Variants in ARHGEF18 observed in about 807,000 individuals in gnomAD.
ARHGEF18 encodes the protein Rho/Rac guanine nucleotide exchange factor 18, also known as rho guanine nucleotide exchange factor 18.
A neutral mutation model predicts 155.7 loss-of-function variants in ARHGEF18; 93 were observed. The ratio of observed to expected loss-of-function variants is 0.60; its 90% CI spans 0.50 to 0.71. The LOEUF (loss-of-function observed/expected upper bound fraction) is 0.71, where lower values mean the gene tolerates loss of function less well. Ranked by LOEUF, ARHGEF18 falls within the 30% of genes least tolerant of loss-of-function variation. ARHGEF18 has a pLI of 0.00. For synonymous variants in ARHGEF18, 742 were observed against 753.1 expected (o/e 0.99, Z 0.24); for missense variants, 1,593 against 1,816.1 (o/e 0.88, Z 2.23).
intron 1 of ARHGEF18, among the ~76,000 whole-genome samples, chr19:7,354,266 A>C (rs1464815270): frequency 6.6e-6 from 1 of 152,058 alleles, no homozygotes; most frequent in Non-Finnish European, 1.5e-5. Context: ...GCAGTGAGCT[A>C]TAGATCATAC....
intron 6 of ARHGEF18, 37 bp from the exon 7 acceptor site, chr19:7,379,085 A>G: frequency 8.1e-7 from 1 of 1,231,670 alleles, no homozygotes; most frequent in Non-Finnish European, 1.0e-6. Flanking sequence ...ACCTGGAGCT[A>G]CCATGGGCTG....
Position 7,469,984 on chromosome 19 carries a change from C to T in ARHGEF18, c.3868C>T (p.Leu1290=). ...GAGCACCTCACGGAACCGCCGCTCG[C>T]TGAGCCCTATCCTGCCCGGCAGACA... is the stretch of plus-strand genomic sequence containing the variant. The part of the protein sequence containing the change: ...DESTSRNRRS[L]SPILPGRHSP... The change falls in exon 28 of 29, where the codon CTG becomes TTG. Residue 1290 remains leucine (L), a synonymous_variant. Transcript: ENST00000668164. 1 of 1,613,226 alleles carries T rather than the reference C, an allele frequency of 6.2e-7. No individual in the cohort carries two copies.
chr19:7,384,738 C>T (rs923486513), intron 10 of ARHGEF18, among the ~76,000 whole-genome samples: 4 of 150,112 alleles, frequency 2.7e-5, no homozygotes, highest in African/African-American at 9.8e-5. Flanking sequence ...GTTGCCCAGG[C>T]TGGAGTGCAA....
chr19:7,409,764 CTTTCTTTTTT>C (rs990858803), intron 10 of ARHGEF18, among the ~76,000 whole-genome samples: 9 of 66,492 alleles, frequency 1.4e-4, no homozygotes, highest in African/African-American at 4.4e-4. Context: ...TTCTTTCTTT[CTTTCTTTTTT>C]TTTTTTTTTT....
At chr19:7,380,847 G>T in intron 7 of ARHGEF18, 70 bp from the exon 8 acceptor site, 2 of 1,035,822 alleles carry the variant, frequency 1.9e-6, no homozygotes, top group Non-Finnish European at 2.5e-6. Flanking sequence ...GCCTGTACTC[G>T]GTAGCACTGG....
chr19:7,474,503 C>A (rs868600292), downstream of ARHGEF18, among the ~76,000 whole-genome samples: 5 of 152,016 alleles, frequency 3.3e-5, no homozygotes, highest in South Asian at 2.1e-4. Flanking sequence ...CTCAGCCTCC[C>A]GAGTAGCTGG....
chr19:7,409,913 A>G (rs1972572790), intron 10 of ARHGEF18, among the ~76,000 whole-genome samples: 1 of 148,316 alleles, frequency 6.7e-6, no homozygotes. Context: ...AGCTGGGATT[A>G]CAGGTGCCTG....
At chr19:7,374,822 C>T (rs750724317) in intron 3 of ARHGEF18, among the ~76,000 whole-genome samples, 2 of 152,186 alleles carry the variant, frequency 1.3e-5, no homozygotes, top group Non-Finnish European at 2.9e-5. Flanking sequence ...CTGCATACTG[C>T]TTGCATGCAT....
At chr19:7,368,935 G>A (rs1331841389) in intron 2 of ARHGEF18, among the ~76,000 whole-genome samples, 6 of 152,144 alleles carry the variant, frequency 3.9e-5, no homozygotes, top group Non-Finnish European at 8.8e-5. Flanking sequence ...ACGCAGAGGA[G>A]GAGTCAGCAG....
intron 17 of ARHGEF18, 142 bp downstream of exon 17, chr19:7,453,857 G>A: frequency 8.6e-7 from 1 of 1,162,118 alleles, no homozygotes; most frequent in Non-Finnish European, 1.1e-6. Context: ...CACCATCTTG[G>A]ATTGGTGGGT....
Position 7,441,908 on chromosome 19 carries a change from T to C in ARHGEF18, c.1220-4T>C. ...CCAGCAGCCACACCTCGCTCTTCCCTCAGATCCCTACACCGCCTCGCTGAG... is the reference window on the plus strand; with the variant it reads ...CCAGCAGCCACACCTCGCTCTTCCCCCAGATCCCTACACCGCCTCGCTGAG... On this transcript the variant is annotated splice_polypyrimidine_tract_variant and splice_region_variant and intron_variant, in intron 12 of 28. Coordinates refer to ENST00000668164, the MANE Select transcript of ARHGEF18 (RefSeq NM_001367823.1). The C allele has an allele frequency of 6.2e-7, 1 of 1,613,968 alleles. No individual in the cohort carries two copies. The highest frequency in any genetic ancestry group is 8.5e-7 in the Non-Finnish European group (1 of 1,179,948).
chr19:7,375,594 C>A, intron 3 of ARHGEF18, 126 bp from the exon 4 acceptor site: 1 of 987,620 alleles, frequency 1.0e-6, no homozygotes, highest in Non-Finnish European at 1.3e-6. Flanking sequence ...CTTTCTGTGG[C>A]TTGCGCACCC....
At chr19:7,388,943 C>T (rs142316806) in intron 10 of ARHGEF18, among the ~76,000 whole-genome samples, 22 of 151,974 alleles carry the variant, frequency 1.4e-4, no homozygotes, top group African/African-American at 4.6e-4. Flanking sequence ...ACAAAGAAAG[C>T]AGAGAGAGTC....
chr19:7,418,806 A>G (rs1330208263), intron 10 of ARHGEF18, among the ~76,000 whole-genome samples: 1 of 151,966 alleles, frequency 6.6e-6, no homozygotes, highest in Non-Finnish European at 1.5e-5. Context: ...GGAGGAGAGG[A>G]GGTGAAGGTG....
At position 7,470,378 on chromosome 19, in the gene ARHGEF18, C is replaced by T; in HGVS notation, c.*80C>T. ...TCTCTGGGGACCCCCATGGGGTCAC[C>T]ATGCCCACCCAGCTGTCCCCTCCTC... is the stretch of plus-strand genomic sequence containing the variant. On this transcript the variant is annotated 3_prime_UTR_variant, in exon 29 of 29. Transcript: ENST00000668164. The surrounding 1 kb of genome is among the most constrained non-coding windows in gnomAD (Gnocchi z 5.9). 2.4e-6 allele frequency: 3 copies of T among 1,272,934 alleles called. No individual in the cohort carries two copies. The highest frequency in any genetic ancestry group is 3.0e-6 in the Non-Finnish European group (3 of 992,674). 78.9% of individuals were successfully genotyped at this position (1,272,934 alleles called of 1,614,324 possible).
In ARHGEF18 at chr19:7,466,980, C is replaced by T. The variant is rs1976663792; in HGVS notation, c.2961+6C>T. ...CCACCGTCCTGGAGTCGGAGGTAGG[C>T]GCCCGCGGGTCTCCATCTCCCCAGG... On this transcript the variant is annotated splice_donor_region_variant and intron_variant, in intron 24 of 28. Coordinates refer to ENST00000668164, the MANE Select transcript of ARHGEF18 (RefSeq NM_001367823.1). The T allele has an allele frequency of 1.2e-6, 2 of 1,613,294 alleles. No individual in the cohort carries two copies. Among genetic ancestry groups the T allele is most frequent in the South Asian group, 1.1e-5 (1 of 91,080 alleles).
At chr19:7,450,901 C>A (rs974607876) in intron 15 of ARHGEF18, among the ~76,000 whole-genome samples, 1 of 14,224 alleles carries the variant, frequency 7.0e-5, no homozygotes, top group Admixed American at 7.7e-4. Context: ...TCTTGCTGTA[C>A]CTTTCTGAGA....
intron 10 of ARHGEF18, among the ~76,000 whole-genome samples, chr19:7,404,771 G>A (rs537749843): frequency 1.3e-5 from 2 of 152,170 alleles, no homozygotes; most frequent in African/African-American, 4.8e-5. Flanking sequence ...TGGAAGGTTC[G>A]CCTGATGGTT....
intron 26 of ARHGEF18, 152 bp downstream of exon 26, chr19:7,467,836 G>T (rs1976757631): frequency 2.6e-6 from 2 of 760,026 alleles, no homozygotes; most frequent in Non-Finnish European, 3.9e-6. Context: ...AACAGCTCAT[G>T]CCGCAGTACA....
Sources: allele counts gnomAD v4.1 joint callset (sites outside exome capture counted in the v4.1 genomes callset), GRCh38; gene constraint gnomAD v4.1.1; non-coding constraint Gnocchi (gnomAD v3.1); transcripts MANE v1.5; gene names NCBI Gene and HGNC (gene_info 2026-07-23, HGNC 2026-07-21).